DPY19L4: variants seen among roughly 807,000 people sequenced by gnomAD.
DPY19L4 encodes the protein probable C-mannosyltransferase DPY19L4.
DPY19L4 carries 97 observed loss-of-function variants against 102.8 expected under a neutral mutation model. That is an observed-to-expected ratio of 0.94 (90% CI 0.80 to 1.12). The LOEUF is 1.12. DPY19L4 is among the 50% of genes most tolerant of loss of function. The probability of loss-of-function intolerance (pLI) is 0.00; values close to 1 mark genes in which losing one functional copy is unlikely to be tolerated. For synonymous variants in DPY19L4, 252 were observed against 283.1 expected (o/e 0.89, Z 1.10); for missense variants, 815 against 850.4 (o/e 0.96, Z 0.52).
rs1344767752 is a variant in DPY19L4 at position 94,742,520 on chromosome 8, G to T, written c.611+2730G>T. 8.0e-5 allele frequency among the ~76,000 whole-genome samples: 12 copies of T among 149,656 alleles called. No homozygotes were observed. In the East Asian group the frequency reaches 2.2e-3, roughly 28 times the overall value. On this transcript the variant is annotated intron_variant, in intron 6 of 18. Transcript: ENST00000414645. Reference sequence around the variant, plus strand: ...TGATTCTCCCACCTCAGCCTCCCCAGTAGCTGGGACCACAGGCACATGCCA... The same window carrying T: ...TGATTCTCCCACCTCAGCCTCCCCATTAGCTGGGACCACAGGCACATGCCA...
At chr8:94,736,156 C>A (rs1432375667) in intron 3 of DPY19L4, among the ~76,000 whole-genome samples, 1 of 152,120 alleles carries the variant, frequency 6.6e-6, no homozygotes, top group Non-Finnish European at 1.5e-5. Context: ...CAAGGGATCG[C>A]TGTGGGGCCT....
intron 1 of DPY19L4, among the ~76,000 whole-genome samples, chr8:94,724,884 G>A (rs1202775001): frequency 6.6e-5 from 10 of 152,056 alleles, no homozygotes; most frequent in African/African-American, 2.4e-4. Context: ...CACCATACCC[G>A]GCCTAATAAT....
chr8:94,778,104 G>A (rs1316796065), intron 14 of DPY19L4, among the ~76,000 whole-genome samples: 1 of 151,874 alleles, frequency 6.6e-6, no homozygotes, highest in Non-Finnish European at 1.5e-5. Flanking sequence ...GCATGGTGGC[G>A]CATGCCTGTA....
Position 94,726,322 on chromosome 8 carries a change from T to TAA in DPY19L4, c.17-8_17-7insAA. ...ACACACATTGCAATAATGTCTTAAA[T>TAA]ATTTTAAGGACCACCTGTAGAGCTG... On this transcript the variant is annotated splice_polypyrimidine_tract_variant and intron_variant, in intron 1 of 18. Coordinates refer to ENST00000414645, the MANE Select transcript of DPY19L4 (RefSeq NM_181787.3). The TAA allele has an allele frequency of 6.3e-7, 1 of 1,587,822 alleles. No individual in the cohort carries two copies. Among genetic ancestry groups the TAA allele is most frequent in the Non-Finnish European group, 8.5e-7 (1 of 1,172,244 alleles).
chr8:94,721,212 C>T (rs923163257), intron 1 of DPY19L4, among the ~76,000 whole-genome samples: 14 of 152,198 alleles, frequency 9.2e-5, no homozygotes, highest in Non-Finnish European at 1.9e-4. Flanking sequence ...TCCCAGAGTG[C>T]TGGGATTACA....
chr8:94,759,500 C>CTTTTTTTTTTTT, intron 7 of DPY19L4, among the ~76,000 whole-genome samples: 1 of 67,562 alleles, frequency 1.5e-5, no homozygotes, highest in Non-Finnish European at 2.7e-5. Flanking sequence ...TCTACATGTT[C>CTTTTTTTTTTTT]TTTTTTTTTT....
At chr8:94,755,917 T>C in intron 6 of DPY19L4, 119 bp from the exon 7 acceptor site, 1 of 1,069,078 alleles carries the variant, frequency 9.4e-7, no homozygotes, top group Non-Finnish European at 1.3e-6. Flanking sequence ...GATCTGGCTA[T>C]GCCTACCTCA....
chr8:94,731,853 T>C (rs1406566221), intron 2 of DPY19L4, among the ~76,000 whole-genome samples: 2 of 151,970 alleles, frequency 1.3e-5, no homozygotes, highest in African/African-American at 2.4e-5. Context: ...CTGCAAACTC[T>C]GCCTCCCGGG....
chr8:94,765,811 T>G lies in DPY19L4; in HGVS notation c.1101+2T>G, dbSNP rs755514283. ...ATAACATTGAATATTATAATGAAGG[T>G]AAGTAACTCTCTGGGATTCATATAG... is the stretch of plus-strand genomic sequence containing the variant. On this transcript the variant is annotated splice_donor_variant, in intron 10 of 18. Coordinates refer to ENST00000414645, the MANE Select transcript of DPY19L4 (RefSeq NM_181787.3). LOFTEE classifies it high-confidence loss of function. 2.0e-6 allele frequency: 3 copies of G among 1,505,734 alleles called. No homozygotes were observed. The African/African-American group carries it at 4.2e-5, about 21-fold the overall frequency. The allele number at this position is 1,505,734 out of a possible 1,614,324, so 93.3% of individuals were successfully genotyped here.
chr8:94,763,454 C>T (rs1487975895), intron 8 of DPY19L4, among the ~76,000 whole-genome samples: 14 of 151,662 alleles, frequency 9.2e-5, no homozygotes, highest in African/African-American at 3.4e-4. Flanking sequence ...AATCCTCCCA[C>T]CTCAGCCTCC....
intron 2 of DPY19L4, among the ~76,000 whole-genome samples, chr8:94,732,060 C>T (rs200421155): frequency 5.3e-5 from 8 of 152,206 alleles, no homozygotes; most frequent in East Asian, 1.9e-4. Context: ...CGTGAGCCAC[C>T]GTGCCCGGCC....
At chr8:94,775,241 G>C (rs888481704) in intron 13 of DPY19L4, among the ~76,000 whole-genome samples, 1 of 150,936 alleles carries the variant, frequency 6.6e-6, no homozygotes, top group Non-Finnish European at 1.5e-5. Flanking sequence ...GCGCCATCTC[G>C]ACTCACTGTA....
intron 14 of DPY19L4, among the ~76,000 whole-genome samples, chr8:94,779,141 T>C (rs1222615558): frequency 6.6e-6 from 1 of 152,124 alleles, no homozygotes; most frequent in Non-Finnish European, 1.5e-5. Context: ...CTTCAATTTA[T>C]TGAATGTTCA....
At chr8:94,769,062 G>GTTTTTTTT (rs983995829) in intron 12 of DPY19L4, among the ~76,000 whole-genome samples, 4 of 127,254 alleles carry the variant, frequency 3.1e-5, no homozygotes, top group African/African-American at 5.8e-5. Flanking sequence ...TAGTTTTTTT[G>GTTTTTTTT]TTTTTTTTTT....
chr8:94,727,658 C>T (rs1269297318), intron 2 of DPY19L4, among the ~76,000 whole-genome samples: 2 of 152,186 alleles, frequency 1.3e-5, no homozygotes, highest in Non-Finnish European at 2.9e-5. Context: ...CAGAGTCACA[C>T]AGGATGGGCC....
intron 14 of DPY19L4, among the ~76,000 whole-genome samples, chr8:94,779,003 C>T (rs1350487530): frequency 6.6e-6 from 1 of 152,040 alleles, no homozygotes; most frequent in Non-Finnish European, 1.5e-5. Context: ...ATGTGTCTGC[C>T]TCATGCAAAG....
intron 13 of DPY19L4, among the ~76,000 whole-genome samples, chr8:94,776,855 C>A (rs1355486925): frequency 1.3e-5 from 2 of 150,734 alleles, no homozygotes; most frequent in Non-Finnish European, 2.9e-5. Context: ...ATTCCAGCTA[C>A]TTGGGAGGCT....
At chr8:94,760,026 C>G (rs1426123377) in intron 7 of DPY19L4, among the ~76,000 whole-genome samples, 2 of 152,050 alleles carry the variant, frequency 1.3e-5, no homozygotes, top group Non-Finnish European at 2.9e-5. Flanking sequence ...AAAGTGAAGC[C>G]CTGTGAGACA....
chr8:94,761,592 G>A, intron 7 of DPY19L4, 108 bp from the exon 8 acceptor site: 1 of 972,244 alleles, frequency 1.0e-6, no homozygotes. Flanking sequence ...TAATTATATA[G>A]CTTAAAGTTG....
Sources: allele counts gnomAD v4.1 joint callset (sites outside exome capture counted in the v4.1 genomes callset), GRCh38; gene constraint gnomAD v4.1.1; transcripts MANE v1.5; gene names NCBI Gene and HGNC (gene_info 2026-07-23, HGNC 2026-07-21).